The following ASCC3 variants were observed in gnomAD, a reference collection of about 807,000 sequenced individuals.
The protein encoded by ASCC3 is activating signal cointegrator 1 complex subunit 3, also known as ASC-1 complex subunit P200.
Under a neutral mutation model 256.3 loss-of-function variants are expected in ASCC3, and 158 were observed. That is an observed-to-expected ratio of 0.62 (90% CI 0.54 to 0.70). The LOEUF is 0.70. ASCC3 is among the 30% of genes least tolerant of loss of function. ASCC3 has a pLI of 0.00. For synonymous variants in ASCC3, 948 were observed against 883.4 expected (o/e 1.07, Z -1.30); for missense variants, 2,259 against 2,626.0 (o/e 0.86, Z 3.05).
chr6:100,845,989 A>T (rs1772363340), intron 4 of ASCC3, among the ~76,000 whole-genome samples: 1 of 152,172 alleles, frequency 6.6e-6, no homozygotes, highest in African/African-American at 2.4e-5. Flanking sequence ...GCAAGAGCAC[A>T]CAGCATGCTA....
rs767831369 is a variant in ASCC3, at chr6:100,799,539, T to C, written c.1161A>G (p.Pro387=). 13 of 1,612,932 alleles carry C rather than the reference T, an allele frequency of 8.1e-6. No individual in the cohort carries two copies. The East Asian group carries it at 2.9e-4, about 36-fold the overall frequency. ...CTGCATCTCTCTGCCTGCTCAGAAT[T>C]GGAACACTTCTAGCATTCAGAAGTG... ...EQALLNARSV[P]ILSRQRDADV... The change falls in exon 7 of 42, where the codon CCA becomes CCG. Residue 387 remains proline, a synonymous_variant. Coordinates refer to ENST00000369162, the MANE Select transcript of ASCC3 (RefSeq NM_006828.4).
Position 100,757,278 on chromosome 6 carries a change from A to C in ASCC3, c.1737+9287T>G, listed in dbSNP as rs188983474. Reference sequence around the variant, plus strand: ...AACACACACACACACACCACCAACAACAACAACAAACACAGCTCAGTAATA... The same window carrying C: ...AACACACACACACACACCACCAACACCAACAACAAACACAGCTCAGTAATA... On this transcript the variant is annotated intron_variant, in intron 10 of 41. Transcript: ENST00000369162. 0.013 allele frequency among the ~76,000 whole-genome samples: 2,046 copies of C among 151,630 alleles called. 107 individuals are homozygous for C. The East Asian group carries it at 0.15, about 11-fold the overall frequency.
chr6:100,834,240 A>C (rs1771768535), intron 4 of ASCC3, among the ~76,000 whole-genome samples: 1 of 152,196 alleles, frequency 6.6e-6, no homozygotes, highest in Non-Finnish European at 1.5e-5. Context: ...TTCACATTAG[A>C]ATTTATTTTA....
At chr6:100,580,479 T>G (rs1322052840) in intron 36 of ASCC3, among the ~76,000 whole-genome samples, 1 of 151,034 alleles carries the variant, frequency 6.6e-6, no homozygotes, top group Admixed American at 6.6e-5. Flanking sequence ...GTTTTAATAT[T>G]CTTTTTTTTT....
chr6:100,816,495 T>C lies in ASCC3; in HGVS notation c.802-10615A>G, dbSNP rs1362464052. On this transcript the variant is annotated intron_variant, in intron 4 of 41. Coordinates refer to ENST00000369162, the MANE Select transcript of ASCC3 (RefSeq NM_006828.4). ...GCAGCACTATTCACAATAGCAAAGA[T>C]ATGGAGTCAACCTAAATCCCATCAT... Among the ~76,000 whole-genome samples the C allele has an allele frequency of 3.3e-5, 5 of 152,210 alleles. No homozygotes were observed. The South Asian group carries it at 8.3e-4, about 25-fold the overall frequency.
At chr6:100,873,776 C>T (rs944004690) in intron 1 of ASCC3, among the ~76,000 whole-genome samples, 3 of 152,128 alleles carry the variant, frequency 2.0e-5, no homozygotes, top group Admixed American at 6.5e-5. Flanking sequence ...TCCAGCAAAA[C>T]TAAGCTTCAT....
At chr6:100,735,991 C>T (rs1244498292) in intron 10 of ASCC3, among the ~76,000 whole-genome samples, 1 of 152,112 alleles carries the variant, frequency 6.6e-6, no homozygotes, top group East Asian at 1.9e-4. Flanking sequence ...ATTGCTTGCT[C>T]CCTCAATACA....
intron 36 of ASCC3, among the ~76,000 whole-genome samples, chr6:100,580,894 C>T (rs1771200019): frequency 6.6e-6 from 1 of 151,982 alleles, no homozygotes; most frequent in African/African-American, 2.4e-5. Context: ...CATCCATGTC[C>T]CTACAAAGGA....
At chr6:100,734,989 G>A (rs557472895) in intron 10 of ASCC3, among the ~76,000 whole-genome samples, 2 of 152,152 alleles carry the variant, frequency 1.3e-5, no homozygotes, top group Admixed American at 6.5e-5. Flanking sequence ...AAACCATAGA[G>A]CAGGGTATAA....
intron 10 of ASCC3, among the ~76,000 whole-genome samples, chr6:100,755,069 C>T (rs868858089): frequency 2.0e-5 from 3 of 151,824 alleles, no homozygotes; most frequent in Non-Finnish European, 2.9e-5. Context: ...TGGACTAATA[C>T]GAGATCCCGC....
At chr6:100,790,862 C>T (rs1054165437) in intron 8 of ASCC3, among the ~76,000 whole-genome samples, 3 of 151,726 alleles carry the variant, frequency 2.0e-5, no homozygotes, top group African/African-American at 7.3e-5. Context: ...CAGCTGGTGC[C>T]CTTTTCCTAG....
intron 36 of ASCC3, among the ~76,000 whole-genome samples, chr6:100,565,926 A>G (rs1770221161): frequency 6.6e-6 from 1 of 152,018 alleles, no homozygotes; most frequent in Admixed American, 6.6e-5. Context: ...ACTTTTTTTT[A>G]TTCCTCCAAG....
In ASCC3 at chr6:100,783,403, A is replaced by C. The variant is rs1464828874; in HGVS notation, c.1395+15310T>G. ...TAAACCTCAATGGCTTCACCAGAGGACCAGATCTGTTATTAACTGCAAGCC... is the reference window on the plus strand; with the variant it reads ...TAAACCTCAATGGCTTCACCAGAGGCCCAGATCTGTTATTAACTGCAAGCC... On this transcript the variant is annotated intron_variant, in intron 8 of 41. Coordinates refer to ENST00000369162, the MANE Select transcript of ASCC3 (RefSeq NM_006828.4). Among the ~76,000 whole-genome samples, 3 of 152,280 alleles carry C rather than the reference A, an allele frequency of 2.0e-5. No homozygotes were observed. In the East Asian group the frequency reaches 5.8e-4, roughly 29 times the overall value.
intron 37 of ASCC3, among the ~76,000 whole-genome samples, chr6:100,520,437 T>TC (rs1562089882): frequency 1.3e-5 from 2 of 151,866 alleles, no homozygotes; most frequent in East Asian, 3.9e-4. Flanking sequence ...TCTTCTTCTT[T>TC]TTTTTTTTTC....
intron 8 of ASCC3, among the ~76,000 whole-genome samples, chr6:100,797,690 G>A (rs1219462191): frequency 1.3e-5 from 2 of 151,886 alleles, no homozygotes; most frequent in South Asian, 2.1e-4. Flanking sequence ...GGACCTCTTC[G>A]AAGAGATTAG....
intron 37 of ASCC3, among the ~76,000 whole-genome samples, chr6:100,533,603 G>A (rs187363508): frequency 3.9e-5 from 6 of 152,244 alleles, no homozygotes; most frequent in African/African-American, 1.4e-4. Flanking sequence ...ATTAAACTTG[G>A]AAACACACAG....
intron 36 of ASCC3, among the ~76,000 whole-genome samples, chr6:100,543,980 T>C (rs958054620): frequency 6.6e-6 from 1 of 152,074 alleles, no homozygotes; most frequent in Non-Finnish European, 1.5e-5. Flanking sequence ...AGTGATACTT[T>C]GACTGCAAGA....
intron 34 of ASCC3, among the ~76,000 whole-genome samples, chr6:100,593,506 T>A (rs1204569665): frequency 2.0e-5 from 3 of 152,112 alleles, no homozygotes; most frequent in Non-Finnish European, 4.4e-5. Flanking sequence ...TTTCACCAGT[T>A]GAGAATGAAA....
At chr6:100,800,229 TA>T (rs1259588093) in intron 6 of ASCC3, 70 bp downstream of exon 6, 2 of 1,522,270 alleles carry the variant, frequency 1.3e-6, no homozygotes, top group Non-Finnish European at 9.1e-7. Flanking sequence ...AAGACTAAAC[TA>T]AAAAGTGATA....
Sources: allele counts gnomAD v4.1 joint callset (sites outside exome capture counted in the v4.1 genomes callset), GRCh38; gene constraint gnomAD v4.1.1; transcripts MANE v1.5; gene names NCBI Gene and HGNC (gene_info 2026-07-23, HGNC 2026-07-21).